LRRN1: variants seen among roughly 807,000 people sequenced by gnomAD.
The protein encoded by LRRN1 is leucine-rich repeat neuronal protein 1.
Under a neutral mutation model 45.8 loss-of-function variants are expected in LRRN1, and 14 were observed. That is an observed-to-expected ratio of 0.31 (90% CI 0.20 to 0.48). The LOEUF (loss-of-function observed/expected upper bound fraction) is 0.48. LRRN1 is among the 20% of genes least tolerant of loss of function. The pLI is 0.99. For synonymous variants in LRRN1, 359 were observed against 330.1 expected (o/e 1.09, Z -0.95); for missense variants, 789 against 874.2 (o/e 0.90, Z 1.23).
Position 3,848,315 on chromosome 3 carries a change from G to A in LRRN1, c.*1523G>A, listed in dbSNP as rs142649122. Among the ~76,000 whole-genome samples, 684 of 152,276 alleles carry A rather than the reference G, an allele frequency of 4.5e-3. 6 individuals carry two copies. The highest frequency in any genetic ancestry group is 0.016 in the African/African-American group (656 of 41,556). On this transcript the variant is annotated 3_prime_UTR_variant, in exon 2 of 2. Transcript: ENST00000319331. ...ATAGAGGAAACATGTAACATTTAGAGCAGATGGAACTAGGTTTAGGTAGAA... is the reference window on the plus strand; with the variant it reads ...ATAGAGGAAACATGTAACATTTAGAACAGATGGAACTAGGTTTAGGTAGAA...
rs1010726258 is a variant in LRRN1, at chr3:3,816,640, A to G, written c.-279+16721A>G. The stretch of plus-strand genomic sequence containing the variant: ...CCTTATTAAAGGCAAAAATATAGGT[A>G]TTACAATTTGAAACTATAAAAGCTT... On this transcript the variant is annotated intron_variant, in intron 1 of 1. Coordinates refer to ENST00000319331, the MANE Select transcript of LRRN1 (RefSeq NM_020873.7). The surrounding 1 kb of genome is among the most constrained non-coding windows in gnomAD (Gnocchi z 4.0). Among the ~76,000 whole-genome samples the G allele has an allele frequency of 2.6e-5, 4 of 152,216 alleles. No homozygotes were observed. The highest frequency in any genetic ancestry group is 9.6e-5 in the African/African-American group (4 of 41,460).
chr3:3,812,499 A>G (rs1692897067), intron 1 of LRRN1, among the ~76,000 whole-genome samples: 1 of 152,178 alleles, frequency 6.6e-6, no homozygotes, highest in African/African-American at 2.4e-5. Context: ...AGAATAGAAT[A>G]AAAGGGTACT....
chr3:3,820,612 T>A (rs1693081516), intron 1 of LRRN1, among the ~76,000 whole-genome samples: 1 of 152,242 alleles, frequency 6.6e-6, no homozygotes, highest in Non-Finnish European at 1.5e-5. Flanking sequence ...TCTTATGTAT[T>A]TCCTTCTGGA....
At chr3:3,807,255 T>C (rs1036444944) in intron 1 of LRRN1, among the ~76,000 whole-genome samples, 2 of 151,870 alleles carry the variant, frequency 1.3e-5, no homozygotes, top group African/African-American at 4.8e-5. Flanking sequence ...CATAGGAGAG[T>C]GCAGCTAGAG....
intron 1 of LRRN1, among the ~76,000 whole-genome samples, chr3:3,804,391 T>C (rs529562826): frequency 2.6e-4 from 39 of 152,318 alleles, no homozygotes; most frequent in African/African-American, 5.8e-4. Context: ...TATGGAACCA[T>C]TGTACCTAAT....
chr3:3,803,045 A>G (rs1673807409), intron 1 of LRRN1, among the ~76,000 whole-genome samples: 1 of 152,252 alleles, frequency 6.6e-6, no homozygotes, highest in African/African-American at 2.4e-5. Context: ...ACCAGATCCA[A>G]CTGCAGACTG....
Position 3,845,863 on chromosome 3 carries a change from C to T in LRRN1, c.1222C>T (p.His408Tyr). The T allele has an allele frequency of 3.7e-6, 6 of 1,614,104 alleles. No individual in the cohort carries two copies. The highest frequency in any genetic ancestry group is 5.1e-6 in the Non-Finnish European group (6 of 1,180,006). ...TGCCATGCCGCCCGAATATAAAGGG[C>T]ACCAGGTGAAGGAAGTTTTAATCCA... The part of the protein sequence containing the change: ...FCAMPPEYKG[H>Y]QVKEVLIQDS... The change falls in exon 2 of 2, where the codon CAC becomes TAC. Residue 408 changes from histidine to tyrosine, a missense_variant. Transcript: ENST00000319331. This position sits in a 1 kb window ranked among gnomAD's most constrained non-coding sequence, Gnocchi z 6.5.
chr3:3,835,015 C>A (rs1693476053), intron 1 of LRRN1, among the ~76,000 whole-genome samples: 1 of 152,032 alleles, frequency 6.6e-6, no homozygotes, highest in African/African-American at 2.4e-5. Context: ...AGGCCCTAGG[C>A]TGAATATTTT....
At chr3:3,804,258 G>A (rs972784200) in intron 1 of LRRN1, 1 of 152,144 alleles carries the variant, frequency 6.6e-6, no homozygotes, top group African/African-American at 2.4e-5. Context: ...ATTTTGTCAT[G>A]TATAACATAA....
chr3:3,824,831 C>G (rs1057331559), intron 1 of LRRN1, among the ~76,000 whole-genome samples: 2 of 152,130 alleles, frequency 1.3e-5, no homozygotes, highest in Non-Finnish European at 2.9e-5. Flanking sequence ...GGACAGGGTG[C>G]TTGGAGAGTG....
intron 1 of LRRN1, among the ~76,000 whole-genome samples, chr3:3,814,484 G>C (rs1453353246): frequency 6.6e-6 from 1 of 151,868 alleles, no homozygotes; most frequent in Admixed American, 6.6e-5. Flanking sequence ...CATCCTTTGT[G>C]AGTTGACTTT....
intron 1 of LRRN1, among the ~76,000 whole-genome samples, chr3:3,811,646 G>A (rs1380912043): frequency 6.6e-6 from 1 of 152,174 alleles, no homozygotes; most frequent in East Asian, 1.9e-4. Context: ...ATTATAGAAA[G>A]TTGAACTCAT....
intron 1 of LRRN1, among the ~76,000 whole-genome samples, chr3:3,835,280 C>G (rs1693483305): frequency 6.6e-6 from 1 of 152,144 alleles, no homozygotes. Flanking sequence ...TTTTATTGGG[C>G]AAAATCATCT....
chr3:3,845,655 T>C lies in LRRN1; in HGVS notation c.1014T>C (p.Ala338=), dbSNP rs770887064. ...IHRLAFRSVP[A]LESLMLNNNA... ...GCTTGGCTTTCCGAAGTGTCCCTGC[T>C]CTGGAAAGCTTGATGCTGAACAACA... Residue 338 remains alanine, a synonymous_variant, in exon 2 of 2, where the codon GCT becomes GCC. Coordinates refer to ENST00000319331, the MANE Select transcript of LRRN1 (RefSeq NM_020873.7). The surrounding 1 kb of genome is among the most constrained non-coding windows in gnomAD (Gnocchi z 6.5). 7.4e-6 allele frequency: 12 copies of C among 1,613,926 alleles called. No homozygotes were observed. Among genetic ancestry groups the C allele is most frequent in the Non-Finnish European group, 1.0e-5 (12 of 1,180,024 alleles).
chr3:3,818,820 T>C (rs1158032456), intron 1 of LRRN1, among the ~76,000 whole-genome samples: 2 of 152,142 alleles, frequency 1.3e-5, no homozygotes, highest in African/African-American at 4.8e-5. Context: ...TCCCTATCTG[T>C]AGGATATACA....
At chr3:3,802,428 C>T (rs1356268956) in intron 1 of LRRN1, among the ~76,000 whole-genome samples, 2 of 152,086 alleles carry the variant, frequency 1.3e-5, no homozygotes, top group Non-Finnish European at 2.9e-5. Context: ...TCTATATATT[C>T]ACTGAAAGGG....
At chr3:3,829,541 C>T (rs760542794) in intron 1 of LRRN1, among the ~76,000 whole-genome samples, 4 of 152,162 alleles carry the variant, frequency 2.6e-5, no homozygotes, top group Non-Finnish European at 5.9e-5. Context: ...ACACAGCCTT[C>T]TGGAGAACTT....
rs367579689 is a variant in LRRN1 at position 3,848,990 on chromosome 3, C to T, written c.*2198C>T. Among the ~76,000 whole-genome samples, 7 of 152,278 alleles carry T rather than the reference C, an allele frequency of 4.6e-5. No individual in the cohort carries two copies. The East Asian group carries it at 1.4e-3, about 29-fold the overall frequency. ...TGGGAAACACAGAGAATTGGAGCTG[C>T]GTTGAATGCAAACTTGAGGTGTTTC... On this transcript the variant is annotated 3_prime_UTR_variant, in exon 2 of 2. Coordinates refer to ENST00000319331, the MANE Select transcript of LRRN1 (RefSeq NM_020873.7).
At position 3,837,698 on chromosome 3, in the gene LRRN1, A is replaced by AT. The variant is rs886389144; in HGVS notation, c.-278-6657dup. Among the ~76,000 whole-genome samples, 19 of 146,588 alleles carry AT rather than the reference A, an allele frequency of 1.3e-4. 1 individual carries two copies. The South Asian group carries it at 1.3e-3, about 10-fold the overall frequency. On this transcript the variant is annotated intron_variant, in intron 1 of 1. Coordinates refer to ENST00000319331, the MANE Select transcript of LRRN1 (RefSeq NM_020873.7). ...AGTCTAGTTTGAGCCACCGCACCAC[A>AT]TTTTTTTTTCTTTTTTTTTAATTAA...
Sources: allele counts gnomAD v4.1 joint callset (sites outside exome capture counted in the v4.1 genomes callset), GRCh38; gene constraint gnomAD v4.1.1; non-coding constraint Gnocchi (gnomAD v3.1); transcripts MANE v1.5; gene names NCBI Gene and HGNC (gene_info 2026-07-23, HGNC 2026-07-21).